Variants in SDK1 observed in about 807,000 individuals in gnomAD.
SDK1 encodes the protein protein sidekick-1.
Under a neutral mutation model 245.5 loss-of-function variants are expected in SDK1, and 157 were observed. The observed-to-expected ratio is 0.64, with a 90% CI of 0.56 to 0.73. The LOEUF is 0.73. SDK1 is among the 30% of genes least tolerant of loss of function. The pLI is 0.00. For synonymous variants in SDK1, 1,647 were observed against 1,278.5 expected, an observed-to-expected ratio of 1.29 and a Z score of -6.15; for missense variants, 3,583 against 3,002.3, an observed-to-expected ratio of 1.19 and a Z score of -4.52.
chr7:3,320,195 C>G (rs137968025), intron 1 of SDK1, among the ~76,000 whole-genome samples: 1 of 152,062 alleles, frequency 6.6e-6, no homozygotes, highest in African/African-American at 2.4e-5. Flanking sequence ...CGCACACATG[C>G]GCTGAAGGAG....
At chr7:4,140,121 G>A (rs1410312609) in intron 28 of SDK1, among the ~76,000 whole-genome samples, 2 of 152,018 alleles carry the variant, frequency 1.3e-5, no homozygotes, top group African/African-American at 4.8e-5. Flanking sequence ...CTCGTGCTCT[G>A]GCTGCTGCAG....
intron 14 of SDK1, among the ~76,000 whole-genome samples, chr7:3,989,145 C>T (rs893505589): frequency 4.6e-5 from 7 of 152,298 alleles, no homozygotes; most frequent in African/African-American, 1.7e-4. Context: ...TAAAGACACA[C>T]CCAAGACTGG....
chr7:4,201,818 A>G (rs1783902517), intron 35 of SDK1, among the ~76,000 whole-genome samples: 2 of 152,100 alleles, frequency 1.3e-5, no homozygotes, highest in Admixed American at 1.3e-4. Flanking sequence ...TGGCAACAGC[A>G]GACACCCAGC....
intron 4 of SDK1, among the ~76,000 whole-genome samples, chr7:3,808,334 T>C (rs2115043810): frequency 6.6e-6 from 1 of 152,000 alleles, no homozygotes; most frequent in South Asian, 2.1e-4. Context: ...AGATGGAGGG[T>C]CGGTCCCTAG....
intron 1 of SDK1, among the ~76,000 whole-genome samples, chr7:3,526,861 T>G (rs1441745927): frequency 1.3e-5 from 2 of 152,188 alleles, no homozygotes; most frequent in African/African-American, 4.8e-5. Context: ...CAGATTTAGC[T>G]TTATATTATG....
intron 29 of SDK1, among the ~76,000 whole-genome samples, chr7:4,146,521 C>T (rs1305610111): frequency 6.6e-6 from 1 of 152,262 alleles, no homozygotes; most frequent in African/African-American, 2.4e-5. Flanking sequence ...CAGCCTCACA[C>T]CTGCTCTCTT....
intron 19 of SDK1, among the ~76,000 whole-genome samples, chr7:4,054,609 C>G (rs1481661835): frequency 2.0e-5 from 3 of 152,242 alleles, no homozygotes; most frequent in African/African-American, 7.2e-5. Context: ...ACCTGTATGC[C>G]TTTCATTTCC....
chr7:3,858,393 C>G (rs1780599030), intron 5 of SDK1, among the ~76,000 whole-genome samples: 1 of 151,658 alleles, frequency 6.6e-6, no homozygotes. Context: ...CTCAAAAAAA[C>G]AAAACTGCAA....
At chr7:3,328,984 C>T (rs946134348) in intron 1 of SDK1, among the ~76,000 whole-genome samples, 1 of 152,238 alleles carries the variant, frequency 6.6e-6, no homozygotes, top group East Asian at 1.9e-4. Flanking sequence ...ACTGATAATG[C>T]TGGATTACCC....
At chr7:3,549,182 T>G (rs907656548) in intron 1 of SDK1, among the ~76,000 whole-genome samples, 2 of 152,254 alleles carry the variant, frequency 1.3e-5, no homozygotes, top group Non-Finnish European at 2.9e-5. Flanking sequence ...AACAGTTCTT[T>G]TTGATAGAAT....
intron 1 of SDK1, among the ~76,000 whole-genome samples, chr7:3,507,030 A>C (rs984164807): frequency 6.6e-6 from 1 of 152,082 alleles, no homozygotes; most frequent in Non-Finnish European, 1.5e-5. Context: ...AGTCTCTTCA[A>C]GCCGGGGTTT....
chr7:4,255,859 T>C (rs984758537), intron 44 of SDK1, among the ~76,000 whole-genome samples: 49 of 152,008 alleles, frequency 3.2e-4, no homozygotes, highest in Non-Finnish European at 4.7e-4. Flanking sequence ...GCGCAGATCT[T>C]GTATCAATCT....
intron 34 of SDK1, among the ~76,000 whole-genome samples, chr7:4,177,407 G>A (rs1782282427): frequency 6.6e-6 from 1 of 152,222 alleles, no homozygotes; most frequent in Non-Finnish European, 1.5e-5. Context: ...GTCACTTAGT[G>A]CGGAGCTGGT....
intron 17 of SDK1, among the ~76,000 whole-genome samples, chr7:4,024,939 G>A (rs1040924885): frequency 6.6e-6 from 1 of 152,062 alleles, no homozygotes. Context: ...TTCTCACTCT[G>A]CCGCCGTAGA....
At chr7:3,535,206 G>T in intron 1 of SDK1, among the ~76,000 whole-genome samples, 1 of 152,158 alleles carries the variant, frequency 6.6e-6, no homozygotes, top group East Asian at 1.9e-4. Context: ...AACCCAGGAG[G>T]CGGAGGTTGG....
chr7:4,164,290 G>A (rs1165616516), intron 32 of SDK1, among the ~76,000 whole-genome samples: 1 of 152,222 alleles, frequency 6.6e-6, no homozygotes, highest in African/African-American at 2.4e-5. Flanking sequence ...GCCATCGGGT[G>A]ACTGTGGCCC....
At chr7:3,438,318 T>C (rs141397937) in intron 1 of SDK1, among the ~76,000 whole-genome samples, 2 of 152,370 alleles carry the variant, frequency 1.3e-5, no homozygotes, top group East Asian at 3.8e-4. Context: ...TTGTCTCTGC[T>C]ATATCTATCA....
chr7:3,723,905 C>T (rs908289862), intron 4 of SDK1, among the ~76,000 whole-genome samples: 6 of 122,628 alleles, frequency 4.9e-5, no homozygotes, highest in South Asian at 5.0e-4. Context: ...TGTATATACA[C>T]GTACATATAT....
At chr7:3,742,834 C>T (rs956815190) in intron 4 of SDK1, among the ~76,000 whole-genome samples, 5 of 151,876 alleles carry the variant, frequency 3.3e-5, no homozygotes, top group Admixed American at 3.3e-4. Flanking sequence ...GGATAGAGGT[C>T]GAATGGATCG....
Sources: gnomAD v4.1 joint callset for allele counts (sites outside exome capture counted in the v4.1 genomes callset) on GRCh38, gnomAD v4.1.1 for gene constraint, MANE v1.5 for transcripts, NCBI Gene and HGNC (gene_info 2026-07-23, HGNC 2026-07-21) for gene names.